ATP9B: variants seen among roughly 807,000 people sequenced by gnomAD.
The protein encoded by ATP9B is probable phospholipid-transporting ATPase IIB.
Under a neutral mutation model 146.1 loss-of-function variants are expected in ATP9B, and 110 were observed. The ratio of observed to expected loss-of-function variants is 0.75; its 90% CI spans 0.65 to 0.88. The LOEUF (loss-of-function observed/expected upper bound fraction) is 0.88. Among genes scored for constraint, ATP9B ranks in the 40% least tolerant of loss-of-function variants. The pLI is 0.00. For missense variants in ATP9B, 1,499 were observed against 1,496.4 expected, an observed-to-expected ratio of 1.00 and a Z score of -0.03; for synonymous variants, 604 against 569.7, an observed-to-expected ratio of 1.06 and a Z score of -0.86.
intron 1 of ATP9B, among the ~76,000 whole-genome samples, chr18:79,075,263 T>A (rs2072468580): frequency 6.6e-6 from 1 of 152,226 alleles, no homozygotes; most frequent in African/African-American, 2.4e-5. Context: ...GCCATCCTCC[T>A]GCTTTAGCCT....
At chr18:79,277,028 C>A (rs2096318369) in intron 12 of ATP9B, 26 bp from the exon 13 acceptor site, 1 of 1,613,782 alleles carries the variant, frequency 6.2e-7, no homozygotes, top group Non-Finnish European at 8.5e-7. Context: ...ATCACACTAA[C>A]CACTGCAATG....
intron 12 of ATP9B, among the ~76,000 whole-genome samples, chr18:79,262,477 A>G (rs1014455184): frequency 2.6e-5 from 4 of 152,208 alleles, no homozygotes; most frequent in African/African-American, 9.6e-5. Context: ...GTCATTTGAT[A>G]GAAAAAGGGC....
At chr18:79,289,474 T>G (rs1480142376) in intron 13 of ATP9B, among the ~76,000 whole-genome samples, 1 of 152,242 alleles carries the variant, frequency 6.6e-6, no homozygotes, top group African/African-American at 2.4e-5. Context: ...ATCAGCTCCT[T>G]TAAGCACTTC....
intron 26 of ATP9B, among the ~76,000 whole-genome samples, chr18:79,364,856 T>C (rs2097016916): frequency 6.6e-6 from 1 of 152,024 alleles, no homozygotes; most frequent in African/African-American, 2.4e-5. Flanking sequence ...AGACCGTGTC[T>C]CTACAAAACA....
chr18:79,306,780 A>G (rs1417627784), intron 14 of ATP9B, among the ~76,000 whole-genome samples: 3 of 152,228 alleles, frequency 2.0e-5, no homozygotes, highest in African/African-American at 7.2e-5. Context: ...TGTATTTGAC[A>G]ACCTGGATAT....
intron 26 of ATP9B, among the ~76,000 whole-genome samples, chr18:79,371,354 G>C (rs191021): frequency 7.9e-6 from 1 of 127,120 alleles, no homozygotes; most frequent in Non-Finnish European, 1.6e-5. Context: ...CCTGGTGAAA[G>C]AGCAAGACTC....
chr18:79,328,271 T>G (rs1242688057), intron 15 of ATP9B, among the ~76,000 whole-genome samples: 1 of 152,238 alleles, frequency 6.6e-6, no homozygotes, highest in East Asian at 1.9e-4. Context: ...TTTATCTGAT[T>G]AATGTCTGGT....
chr18:79,310,731 A>G (rs1044727109), intron 15 of ATP9B, among the ~76,000 whole-genome samples: 3 of 152,316 alleles, frequency 2.0e-5, no homozygotes, highest in African/African-American at 4.8e-5. Flanking sequence ...AAGGAAAGAT[A>G]TACACAGAAG....
chr18:79,159,631 C>T (rs1259144549), intron 7 of ATP9B, among the ~76,000 whole-genome samples: 1 of 152,176 alleles, frequency 6.6e-6, no homozygotes, highest in Non-Finnish European at 1.5e-5. Flanking sequence ...AGCTCCATTG[C>T]CTTCTTCCTA....
chr18:79,170,619 G>A (rs185158550), intron 7 of ATP9B, among the ~76,000 whole-genome samples: 29 of 152,134 alleles, frequency 1.9e-4, no homozygotes, highest in Admixed American at 1.9e-3. Context: ...TTAGGTTTCT[G>A]GAATCAAATT....
chr18:79,084,145 C>G lies in ATP9B; in HGVS notation c.120-12331C>G, dbSNP rs962230337. On this transcript the variant is annotated intron_variant, in intron 1 of 29. Coordinates refer to ENST00000426216, the MANE Select transcript of ATP9B (RefSeq NM_198531.5). Reference sequence around the variant, plus strand: ...TTGCTGGGATTACAGGCGTGAGCCACTGCGCCTGGCTCAGTTTTTTTTTTT... The same window carrying G: ...TTGCTGGGATTACAGGCGTGAGCCAGTGCGCCTGGCTCAGTTTTTTTTTTT... 2.0e-5 allele frequency among the ~76,000 whole-genome samples: 3 copies of G among 150,524 alleles called. No individual in the cohort carries two copies. In the South Asian group the frequency reaches 6.2e-4, roughly 31 times the overall value.
chr18:79,134,883 G>T (rs2094429993), intron 5 of ATP9B, among the ~76,000 whole-genome samples: 1 of 151,990 alleles, frequency 6.6e-6, no homozygotes, highest in East Asian at 1.9e-4. Context: ...TTTAATCTTG[G>T]AAAGTCTACT....
chr18:79,133,916 T>G (rs985828590), intron 5 of ATP9B, among the ~76,000 whole-genome samples: 1 of 152,246 alleles, frequency 6.6e-6, no homozygotes, highest in African/African-American at 2.4e-5. Flanking sequence ...TGACTCCAGC[T>G]GTCTCTTCTG....
intron 11 of ATP9B, among the ~76,000 whole-genome samples, chr18:79,240,659 C>T (rs60022971): frequency 0.063 from 9,544 of 152,260 alleles, 597 homozygotes; most frequent in African/African-American, 0.16. Flanking sequence ...GCAGGAGAAT[C>T]GCTTGAACCT....
rs1427287844 is a variant in ATP9B, at chr18:79,287,963, T to C, written c.1411+10767T>C. Reference sequence around the variant, plus strand: ...TCTTAATCCTGAGTTCTAGTTTGATTGCATTGTGGTCTGAGAGACAGTTTG... The same window carrying C: ...TCTTAATCCTGAGTTCTAGTTTGATCGCATTGTGGTCTGAGAGACAGTTTG... On this transcript the variant is annotated intron_variant, in intron 13 of 29. Coordinates refer to ENST00000426216, the MANE Select transcript of ATP9B (RefSeq NM_198531.5). 5.3e-5 allele frequency among the ~76,000 whole-genome samples: 8 copies of C among 151,686 alleles called. No homozygotes were observed. In the East Asian group the frequency reaches 1.5e-3, roughly 29 times the overall value.
At chr18:79,207,650 G>C (rs1234382563) in intron 10 of ATP9B, among the ~76,000 whole-genome samples, 2 of 152,038 alleles carry the variant, frequency 1.3e-5, no homozygotes, top group African/African-American at 4.8e-5. Context: ...CTCTGGAAGA[G>C]AGTGCCCGAA....
chr18:79,245,823 G>GAGGAGGGTACCACCCTACTGACTA (rs1339876889), intron 11 of ATP9B, among the ~76,000 whole-genome samples: 2 of 147,978 alleles, frequency 1.4e-5, no homozygotes, highest in African/African-American at 2.5e-5. Flanking sequence ...CCTACTGACT[G>GAGGAGGGTACCACCCTACTGACTA]AGGAGGGCAC....
chr18:79,219,621 A>G (rs2095659417), intron 11 of ATP9B, among the ~76,000 whole-genome samples: 1 of 152,130 alleles, frequency 6.6e-6, no homozygotes, highest in Non-Finnish European at 1.5e-5. Context: ...AAAATATTTC[A>G]AGTCTATCAG....
At chr18:79,177,422 T>G (rs993861654) in intron 8 of ATP9B, among the ~76,000 whole-genome samples, 1 of 151,908 alleles carries the variant, frequency 6.6e-6, no homozygotes, top group African/African-American at 2.4e-5. Context: ...TTTTTTTTTT[T>G]GTAGAGATGG....
Sources: allele counts gnomAD v4.1 joint callset (sites outside exome capture counted in the v4.1 genomes callset), GRCh38; gene constraint gnomAD v4.1.1; transcripts MANE v1.5; gene names NCBI Gene and HGNC (gene_info 2026-07-23, HGNC 2026-07-21).